Variants in SPDYE12 observed in about 807,000 individuals in gnomAD.
The protein encoded by SPDYE12 is speedy protein E12.
chr7:74,908,696 C>T, the SPDYE12 span, among the ~76,000 whole-genome samples: 5 of 79,736 alleles, frequency 6.3e-5, no homozygotes, highest in Admixed American at 2.2e-4. Flanking sequence ...TTTTTTGAGA[C>T]GGAGTCTCAT....
the SPDYE12 span, chr7:74,909,682 G>A: frequency 1.7e-5 from 27 of 1,570,562 alleles, 1 homozygote; most frequent in East Asian, 1.8e-4. Context: ...TAGTGGAATG[G>A]GGGTCTGGGG....
the SPDYE12 span, among the ~76,000 whole-genome samples, chr7:74,909,037 T>G: frequency 6.9e-6 from 1 of 145,294 alleles, no homozygotes; most frequent in Non-Finnish European, 1.5e-5. Context: ...TGCCTGGTTT[T>G]TTTTTTTTTT....
At chr7:74,910,824 A>C in the SPDYE12 span, 1 of 1,094,258 alleles carries the variant, frequency 9.1e-7, no homozygotes, top group Non-Finnish European at 1.4e-6. Context: ...AGTTACATAG[A>C]GAACAACCTT....
At chr7:74,909,031 TGG>T in the SPDYE12 span, among the ~76,000 whole-genome samples, 1 of 99,304 alleles carries the variant, frequency 1.0e-5, no homozygotes, top group Non-Finnish European at 1.9e-5. Context: ...TTTTTTTGCC[TGG>T]TTTTTTTTTT....
the SPDYE12 span, chr7:74,907,019 G>C: frequency 6.3e-7 from 1 of 1,587,082 alleles, no homozygotes; most frequent in South Asian, 1.1e-5. Context: ...ATATGAGAGC[G>C]GGTCTCCTCG....
the SPDYE12 span, among the ~76,000 whole-genome samples, chr7:74,909,758 G>C: frequency 6.6e-6 from 1 of 151,242 alleles, no homozygotes; most frequent in South Asian, 2.1e-4. Flanking sequence ...AAATTGCGGG[G>C]TGGAGGGGTA....
the SPDYE12 span, among the ~76,000 whole-genome samples, chr7:74,912,753 CCCTTCTTTTTTT>C: frequency 1.5e-5 from 1 of 66,990 alleles, no homozygotes; most frequent in African/African-American, 8.1e-5. Context: ...TGACCTCTGA[CCCTTCTTTTTTT>C]TCTTCTTTTT....
At chr7:74,907,499 A>G in the SPDYE12 span, among the ~76,000 whole-genome samples, 1 of 151,388 alleles carries the variant, frequency 6.6e-6, no homozygotes, top group East Asian at 1.9e-4. Flanking sequence ...TGGAAGGCTG[A>G]AGCAGGTGGA....
chr7:74,909,323 G>A, the SPDYE12 span, among the ~76,000 whole-genome samples: 2 of 151,236 alleles, frequency 1.3e-5, no homozygotes, highest in African/African-American at 4.8e-5. Flanking sequence ...CAAAGTGCTG[G>A]GATTACAGGC....
chr7:74,908,920 A>G, the SPDYE12 span, among the ~76,000 whole-genome samples: 270 of 147,598 alleles, frequency 1.8e-3, 9 homozygotes, highest in Non-Finnish European at 1.7e-3. Context: ...TGACCTTGTG[A>G]TCCGCCCACC....
the SPDYE12 span, among the ~76,000 whole-genome samples, chr7:74,910,374 AT>A: frequency 2.5e-3 from 374 of 150,496 alleles, no homozygotes; most frequent in African/African-American, 8.3e-3. Context: ...AGAAAAAAAA[AT>A]GTGTGGGTGC....
At chr7:74,907,290 A>T in the SPDYE12 span, among the ~76,000 whole-genome samples, 2 of 151,092 alleles carry the variant, frequency 1.3e-5, no homozygotes, top group Non-Finnish European at 3.0e-5. Context: ...CTCCTTCAGG[A>T]TGGAGACAAA....
the SPDYE12 span, among the ~76,000 whole-genome samples, chr7:74,909,253 C>T: frequency 6.6e-6 from 1 of 150,748 alleles, no homozygotes; most frequent in Non-Finnish European, 1.5e-5. Flanking sequence ...GGGGTTTTGC[C>T]ATGTTGGCCA....
At chr7:74,908,959 G>GC in the SPDYE12 span, among the ~76,000 whole-genome samples, 4 of 148,560 alleles carry the variant, frequency 2.7e-5, no homozygotes, top group Non-Finnish European at 6.0e-5. Flanking sequence ...GAGATTACAG[G>GC]CGTGAGCCAC....
chr7:74,908,736 CG>C, the SPDYE12 span, among the ~76,000 whole-genome samples: 1 of 119,002 alleles, frequency 8.4e-6, no homozygotes, highest in South Asian at 2.9e-4. Context: ...TGCAGTGGTG[CG>C]ATCTCGGCTC....
the SPDYE12 span, chr7:74,907,007 G>T: frequency 3.1e-6 from 5 of 1,591,760 alleles, no homozygotes; most frequent in Middle Eastern, 1.7e-4. Context: ...CGGAGCAAGG[G>T]TATATGAGAG....
the SPDYE12 span, among the ~76,000 whole-genome samples, chr7:74,904,535 T>G: frequency 6.6e-6 from 1 of 151,568 alleles, no homozygotes; most frequent in Non-Finnish European, 1.5e-5. Flanking sequence ...CACATAGCTA[T>G]AAATGTAATA....
chr7:74,904,669 A>G, the SPDYE12 span, among the ~76,000 whole-genome samples: 1 of 151,150 alleles, frequency 6.6e-6, no homozygotes, highest in Admixed American at 6.6e-5. Flanking sequence ...AAAAAGGAAA[A>G]CAAAATTATA....
At chr7:74,907,901 G>T in the SPDYE12 span, among the ~76,000 whole-genome samples, 1 of 147,822 alleles carries the variant, frequency 6.8e-6, no homozygotes, top group Non-Finnish European at 1.5e-5. Context: ...CAGCTTAGGG[G>T]ACAGGGCAAG....
Sources: allele counts gnomAD v4.1 joint callset (sites outside exome capture counted in the v4.1 genomes callset), GRCh38; gene constraint gnomAD v4.1.1; transcripts MANE v1.5; gene names NCBI Gene and HGNC (gene_info 2026-07-23, HGNC 2026-07-21).